Variants in DCC observed in about 807,000 individuals in gnomAD.
DCC encodes the protein DCC netrin 1 receptor, also known as netrin receptor DCC.
A neutral mutation model predicts 172.5 loss-of-function variants in DCC; 58 were observed. The ratio of observed to expected loss-of-function variants is 0.34; its 90% CI spans 0.27 to 0.42. The LOEUF (loss-of-function observed/expected upper bound fraction) is 0.42, where lower values mean the gene tolerates loss of function less well. Among genes scored for constraint, DCC ranks in the 10% least tolerant of loss-of-function variants. DCC has a pLI of 1.00. For synonymous variants in DCC, 709 were observed against 644.5 expected, an observed-to-expected ratio of 1.10 and a Z score of -1.52; for missense variants, 1,740 against 1,791.0, an observed-to-expected ratio of 0.97 and a Z score of 0.51.
intron 8 of DCC, among the ~76,000 whole-genome samples, chr18:53,173,437 A>G (rs1237705797): frequency 2.6e-5 from 4 of 152,138 alleles, no homozygotes; most frequent in African/African-American, 9.7e-5. Flanking sequence ...TGGTATTAGC[A>G]CATGTACCTT....
intron 1 of DCC, among the ~76,000 whole-genome samples, chr18:52,483,244 C>T (rs1040082425): frequency 6.6e-6 from 1 of 152,118 alleles, no homozygotes; most frequent in Non-Finnish European, 1.5e-5. Context: ...ATTACATATG[C>T]AATGACTGTT....
chr18:53,409,851 G>T (rs1385828456), intron 19 of DCC, among the ~76,000 whole-genome samples: 1 of 152,086 alleles, frequency 6.6e-6, no homozygotes, highest in Non-Finnish European at 1.5e-5. Context: ...TACTGGTAAA[G>T]AATCCCATAC....
At chr18:53,513,941 C>G (rs1371339051) in intron 27 of DCC, among the ~76,000 whole-genome samples, 3 of 151,172 alleles carry the variant, frequency 2.0e-5, no homozygotes, top group Non-Finnish European at 4.4e-5. Flanking sequence ...AGGAATTGAA[C>G]TCAGCTCTGC....
At chr18:52,842,416 C>T (rs1223867493) in intron 2 of DCC, among the ~76,000 whole-genome samples, 1 of 152,078 alleles carries the variant, frequency 6.6e-6, no homozygotes. Flanking sequence ...GATTGATGTA[C>T]CAACTTGTCA....
At chr18:52,608,224 T>C (rs925925393) in intron 1 of DCC, among the ~76,000 whole-genome samples, 1 of 152,266 alleles carries the variant, frequency 6.6e-6, no homozygotes, top group East Asian at 1.9e-4. Flanking sequence ...AGGAGTTCCG[T>C]CCCACAAATA....
chr18:52,772,125 A>T (rs1427098228), intron 2 of DCC, among the ~76,000 whole-genome samples: 1 of 152,190 alleles, frequency 6.6e-6, no homozygotes, highest in Admixed American at 6.5e-5. Flanking sequence ...CTTGGAAGCT[A>T]TTAACTATCA....
At chr18:52,613,004 T>C (rs1023682820) in intron 1 of DCC, among the ~76,000 whole-genome samples, 1 of 152,170 alleles carries the variant, frequency 6.6e-6, no homozygotes, top group Non-Finnish European at 1.5e-5. Context: ...CTGTCAGGCA[T>C]TTTGAGTGAT....
chr18:53,528,823 C>T (rs1010517721), intron 28 of DCC, among the ~76,000 whole-genome samples: 5 of 151,764 alleles, frequency 3.3e-5, no homozygotes, highest in African/African-American at 7.3e-5. Context: ...AAAACTGGTA[C>T]GTATTTTTTC....
At chr18:53,101,811 G>A (rs1235154062) in intron 7 of DCC, among the ~76,000 whole-genome samples, 1 of 116,498 alleles carries the variant, frequency 8.6e-6, no homozygotes, top group African/African-American at 3.6e-5. Context: ...GGCTGTGTGT[G>A]TGTGTGTGTG....
At chr18:52,757,551 C>T (rs568941484) in intron 2 of DCC, among the ~76,000 whole-genome samples, 77 of 152,140 alleles carry the variant, frequency 5.1e-4, no homozygotes, top group African/African-American at 1.8e-3. Flanking sequence ...CTAAGGAGCA[C>T]GGTTGGAGCC....
At chr18:52,491,257 A>C (rs1238510708) in intron 1 of DCC, among the ~76,000 whole-genome samples, 1 of 152,112 alleles carries the variant, frequency 6.6e-6, no homozygotes, top group Non-Finnish European at 1.5e-5. Context: ...AGATGATCAA[A>C]ACCTCTATTT....
At chr18:52,640,231 T>C (rs934356665) in intron 1 of DCC, among the ~76,000 whole-genome samples, 5 of 152,152 alleles carry the variant, frequency 3.3e-5, no homozygotes, top group African/African-American at 1.2e-4. Flanking sequence ...AAGCCATCAA[T>C]GACAAACTCC....
chr18:53,063,995 T>C (rs1021560051), intron 6 of DCC, among the ~76,000 whole-genome samples: 4 of 152,172 alleles, frequency 2.6e-5, no homozygotes, highest in African/African-American at 9.6e-5. Context: ...CAGTGGGTGC[T>C]GGTGGCATTG....
chr18:52,677,573 T>A (rs1454758558), intron 1 of DCC, among the ~76,000 whole-genome samples: 1 of 152,174 alleles, frequency 6.6e-6, no homozygotes, highest in Non-Finnish European at 1.5e-5. Context: ...TTTCACAAAC[T>A]GAACTCATCT....
intron 5 of DCC, among the ~76,000 whole-genome samples, chr18:52,948,329 TG>T (rs2040582077): frequency 6.6e-6 from 1 of 152,126 alleles, no homozygotes; most frequent in Non-Finnish European, 1.5e-5. Context: ...TGTGTGTGTG[TG>T]TGTGTCTTAT....
intron 3 of DCC, among the ~76,000 whole-genome samples, chr18:52,918,139 C>T (rs1436050075): frequency 2.0e-5 from 3 of 151,944 alleles, no homozygotes; most frequent in East Asian, 1.9e-4. Context: ...GGAAAATGAC[C>T]ATGTATGTGT....
At chr18:53,351,447 A>G (rs1477340421) in intron 15 of DCC, among the ~76,000 whole-genome samples, 1 of 47,398 alleles carries the variant, frequency 2.1e-5, no homozygotes, top group East Asian at 5.9e-4. Flanking sequence ...TACAGTGTAT[A>G]TATATATATA....
rs191025228 is a variant in DCC, at chr18:52,795,066, A to G, written c.412+42692A>G. Among the ~76,000 whole-genome samples the G allele has an allele frequency of 2.2e-3, 341 of 151,596 alleles. 1 individual carries two copies. The highest frequency in any genetic ancestry group is 4.9e-4 in the Non-Finnish European group (33 of 67,630). ...AAGGTTTTTTGCATCTGTATTGATC[A>G]GAAAAAATGGCCTGTAGGTTTTTGT... On this transcript the variant is annotated intron_variant, in intron 2 of 28. Coordinates refer to ENST00000442544, the MANE Select transcript of DCC (RefSeq NM_005215.4).
intron 1 of DCC, among the ~76,000 whole-genome samples, chr18:52,342,246 CAGAG>C (rs1328591130): frequency 9.9e-5 from 15 of 150,818 alleles, no homozygotes; most frequent in Non-Finnish European, 1.6e-4. Flanking sequence ...TGGCCAGAGA[CAGAG>C]AGAGCAGGCA....
Sources: allele counts gnomAD v4.1 joint callset (sites outside exome capture counted in the v4.1 genomes callset), GRCh38; gene constraint gnomAD v4.1.1; transcripts MANE v1.5; gene names NCBI Gene and HGNC (gene_info 2026-07-23, HGNC 2026-07-21).